Variants in RGS6 observed in about 807,000 individuals in gnomAD.
RGS6 encodes the protein regulator of G protein signaling 6, also known as regulator of G-protein signaling 6.
RGS6 carries 30 observed loss-of-function variants against 78.5 expected under a neutral mutation model. That is an observed-to-expected ratio of 0.38 (90% CI 0.29 to 0.52). The LOEUF is 0.52. Ranked by LOEUF, RGS6 falls within the 20% of genes least tolerant of loss-of-function variation. The pLI is 0.85. For synonymous variants in RGS6, 206 were observed against 206.0 expected (o/e 1.00, Z 0.00); for missense variants, 495 against 609.7 (o/e 0.81, Z 1.98).
intron 2 of RGS6, among the ~76,000 whole-genome samples, chr14:72,237,699 C>T (rs2051483312): frequency 6.6e-6 from 1 of 152,052 alleles, no homozygotes; most frequent in Non-Finnish European, 1.5e-5. Context: ...GGGTGTGGCC[C>T]ACTTATTTGA....
chr14:71,868,529 T>C, the RGS6 span, among the ~76,000 whole-genome samples: 1 of 152,218 alleles, frequency 6.6e-6, no homozygotes, highest in Non-Finnish European at 1.5e-5. Context: ...CTGTTTTACA[T>C]CAATGGTATG....
intron 3 of RGS6, among the ~76,000 whole-genome samples, chr14:72,425,812 A>C (rs958461703): frequency 5.9e-5 from 9 of 152,204 alleles, no homozygotes; most frequent in Admixed American, 5.9e-4. Context: ...AAATTATAGG[A>C]GGCATAAAAA....
At chr14:72,030,481 T>G (rs888384623) in intron 2 of RGS6, among the ~76,000 whole-genome samples, 1 of 152,190 alleles carries the variant, frequency 6.6e-6, no homozygotes, top group Non-Finnish European at 1.5e-5. Context: ...ATGGACATGG[T>G]TGATTATGGT....
At chr14:72,066,230 G>A (rs763147856) in intron 2 of RGS6, among the ~76,000 whole-genome samples, 3 of 152,064 alleles carry the variant, frequency 2.0e-5, no homozygotes, top group Non-Finnish European at 4.4e-5. Context: ...GGGAGGGAAC[G>A]GGTCACTGGA....
the RGS6 span, among the ~76,000 whole-genome samples, chr14:71,906,670 G>A: frequency 9.2e-5 from 14 of 152,096 alleles, no homozygotes; most frequent in African/African-American, 2.2e-4. Context: ...TAAAATATAT[G>A]TCATTTAACT....
At chr14:72,133,638 TG>T (rs1429386983) in intron 2 of RGS6, among the ~76,000 whole-genome samples, 1 of 152,068 alleles carries the variant, frequency 6.6e-6, no homozygotes, top group African/African-American at 2.4e-5. Flanking sequence ...ATTTGGAGGA[TG>T]GGAAGATACT....
At chr14:71,926,839 A>G in the RGS6 span, among the ~76,000 whole-genome samples, 1 of 152,138 alleles carries the variant, frequency 6.6e-6, no homozygotes, top group South Asian at 2.1e-4. Flanking sequence ...TAGGGTTTCA[A>G]TGGACACATA....
chr14:72,002,137 C>A (rs935359159), intron 2 of RGS6, among the ~76,000 whole-genome samples: 1 of 151,946 alleles, frequency 6.6e-6, no homozygotes. Flanking sequence ...AATCTACCCA[C>A]CCTTGCCTCC....
At chr14:72,029,850 C>T (rs1260716832) in intron 2 of RGS6, among the ~76,000 whole-genome samples, 1 of 152,154 alleles carries the variant, frequency 6.6e-6, no homozygotes, top group Non-Finnish European at 1.5e-5. Context: ...CATTTGAGAA[C>T]TGAAGGTGAA....
chr14:72,347,751 G>T (rs542542137), intron 2 of RGS6, among the ~76,000 whole-genome samples: 1 of 152,280 alleles, frequency 6.6e-6, no homozygotes, highest in Non-Finnish European at 1.5e-5. Flanking sequence ...GAGATGAGAC[G>T]CTGTGTATAT....
chr14:72,404,560 T>G (rs976634358), intron 3 of RGS6, among the ~76,000 whole-genome samples: 1 of 152,330 alleles, frequency 6.6e-6, no homozygotes, highest in African/African-American at 2.4e-5. Flanking sequence ...CCTGCATGCT[T>G]CAAGACTCTC....
intron 3 of RGS6, among the ~76,000 whole-genome samples, chr14:72,379,706 A>G (rs937359229): frequency 1.3e-5 from 2 of 152,176 alleles, no homozygotes; most frequent in South Asian, 4.1e-4. Flanking sequence ...TCTCATGCTC[A>G]TGGATAAGAA....
intron 3 of RGS6, among the ~76,000 whole-genome samples, chr14:72,387,698 T>C (rs1212595970): frequency 2.0e-5 from 3 of 152,228 alleles, no homozygotes; most frequent in Non-Finnish European, 2.9e-5. Flanking sequence ...AATGTGAGTA[T>C]AAGTCTTCAC....
intron 2 of RGS6, among the ~76,000 whole-genome samples, chr14:72,046,112 A>G (rs973044472): frequency 2.6e-5 from 4 of 151,996 alleles, no homozygotes; most frequent in Non-Finnish European, 4.4e-5. Flanking sequence ...TCAAAGCATT[A>G]AAGTCATTTT....
chr14:72,143,265 C>T (rs925213439), intron 2 of RGS6, among the ~76,000 whole-genome samples: 1 of 151,840 alleles, frequency 6.6e-6, no homozygotes, highest in Non-Finnish European at 1.5e-5. Flanking sequence ...CCCAGCTGCT[C>T]GGGAGGCTGA....
intron 1 of RGS6, chr14:71,933,316 G>A (rs2088180967): frequency 6.6e-6 from 1 of 152,018 alleles, no homozygotes; most frequent in East Asian, 1.9e-4. Flanking sequence ...GGGCAGCTTT[G>A]CCTCTAATCA....
In RGS6 at chr14:72,427,106, G is replaced by A. The variant is rs1566819116; in HGVS notation, c.185-27422G>A. Among the ~76,000 whole-genome samples the A allele has an allele frequency of 1.3e-5, 2 of 152,336 alleles. 1 individual carries two copies. The highest frequency in any genetic ancestry group is 3.9e-4 in the East Asian group (2 of 5,188). On this transcript the variant is annotated intron_variant, in intron 3 of 17. Coordinates refer to ENST00000553525, the MANE Select transcript of RGS6 (RefSeq NM_001204424.2). ...GCTGGCCATGTGAGTCATCTTGAAA[G>A]TACTGTAGGTTCAAGGTTTACTTTC...
chr14:72,277,701 T>A (rs1187981734), intron 2 of RGS6, among the ~76,000 whole-genome samples: 1 of 152,018 alleles, frequency 6.6e-6, no homozygotes, highest in Non-Finnish European at 1.5e-5. Flanking sequence ...GCCGAGGCAG[T>A]CAGATTGCTT....
intron 3 of RGS6, among the ~76,000 whole-genome samples, chr14:72,399,761 A>G (rs1222097668): frequency 2.6e-5 from 4 of 152,196 alleles, no homozygotes; most frequent in Admixed American, 6.5e-5. Context: ...GCTTGTCTGT[A>G]AAGTATTTTA....
Sources: allele counts gnomAD v4.1 joint callset (sites outside exome capture counted in the v4.1 genomes callset), GRCh38; gene constraint gnomAD v4.1.1; transcripts MANE v1.5; gene names NCBI Gene and HGNC (gene_info 2026-07-23, HGNC 2026-07-21).